Variants in ABCC1 observed in about 807,000 individuals in gnomAD.
The protein encoded by ABCC1 is ATP binding cassette subfamily C member 1 (ABCC1 blood group), also known as multidrug resistance-associated protein 1.
ABCC1 carries 83 observed loss-of-function variants against 172.9 expected under a neutral mutation model. The observed-to-expected ratio is 0.48, with a 90% CI of 0.40 to 0.58. The LOEUF is 0.58. ABCC1 is among the 20% of genes least tolerant of loss of function. The pLI, the probability that ABCC1 is intolerant of heterozygous loss-of-function variation, is 0.00. For missense variants in ABCC1, 1,817 were observed against 2,002.7 expected (o/e 0.91, Z 1.77); for synonymous variants, 937 against 825.2 (o/e 1.14, Z -2.32).
chr16:15,949,201 G>A (rs765754524), upstream of ABCC1, among the ~76,000 whole-genome samples: 1 of 152,136 alleles, frequency 6.6e-6, no homozygotes, highest in African/African-American at 2.4e-5. Flanking sequence ...CTTCATGAAC[G>A]TGGAGACTTT....
intron 1 of ABCC1, among the ~76,000 whole-genome samples, chr16:16,006,871 C>CGGTGCCGGTGGCGGTGGCGGTGGT: frequency 6.8e-6 from 1 of 148,030 alleles, no homozygotes; most frequent in East Asian, 2.0e-4. Context: ...GTGGCGGTGG[C>CGGTGCCGGTGGCGGTGGCGGTGGT]GGTGGCGGTG....
chr16:16,022,280 GC>G (rs748686734), intron 5 of ABCC1, among the ~76,000 whole-genome samples: 2 of 152,124 alleles, frequency 1.3e-5, no homozygotes, highest in Non-Finnish European at 2.9e-5. Context: ...GTCTATTCCA[GC>G]CCTGGCTGCT....
chr16:16,083,231 C>T (rs2050873347), intron 16 of ABCC1, 135 bp from the exon 17 acceptor site: 1 of 880,998 alleles, frequency 1.1e-6, no homozygotes, highest in Non-Finnish European at 1.8e-6. Flanking sequence ...CAGTTTCCCT[C>T]TTGCCAAAGC....
At chr16:16,106,498 C>T (rs748907677) in intron 20 of ABCC1, 82 of 407,010 alleles carry the variant, frequency 2.0e-4, no homozygotes, top group Non-Finnish European at 2.9e-4. Flanking sequence ...TCACAGATTG[C>T]GTTTCCCATG....
At chr16:16,115,162 T>C in intron 23 of ABCC1, 86 bp downstream of exon 23, 1 of 1,370,916 alleles carries the variant, frequency 7.3e-7, no homozygotes, top group Non-Finnish European at 9.9e-7. Context: ...TATCTTACCA[T>C]GTCCCCAGTG....
In ABCC1 at chr16:16,138,618, CTCATTAAT is replaced by C. The variant is rs1427882776; in HGVS notation, c.4487+74_4487+81del. The C allele has an allele frequency of 2.6e-5, 35 of 1,359,762 alleles. No individual in the cohort carries two copies. The South Asian group carries it at 3.0e-4, about 12-fold the overall frequency. 84.2% of individuals were successfully genotyped at this position (1,359,762 alleles called of 1,614,324 possible). ...GGAGTTTGCCTTACTCACTGGCTCA[CTCATTAAT>C]TCATTAATTCATTCAACACTGTCCT... On this transcript the variant is annotated intron_variant, in intron 30 of 30. Transcript: ENST00000399410.
chr16:16,078,111 T>C (rs533230742), intron 15 of ABCC1, among the ~76,000 whole-genome samples: 94 of 152,210 alleles, frequency 6.2e-4, no homozygotes, highest in Non-Finnish European at 1.2e-3. Context: ...TGAGCCAAGA[T>C]TGAGCCACTG....
intron 2 of ABCC1, among the ~76,000 whole-genome samples, chr16:16,008,581 G>A (rs1292889503): frequency 4.0e-5 from 6 of 151,540 alleles, no homozygotes; most frequent in Admixed American, 3.9e-4. Flanking sequence ...TGGGCCAGGC[G>A]TGGTGGCTCA....
intron 1 of ABCC1, among the ~76,000 whole-genome samples, chr16:15,982,803 C>CA (rs148834444): frequency 0.089 from 3,841 of 43,198 alleles, 475 homozygotes; most frequent in African/African-American, 0.26. Flanking sequence ...GAGACGCTGT[C>CA]AAAAAAAAAA....
At chr16:16,050,147 C>T (rs534621769) in intron 10 of ABCC1, among the ~76,000 whole-genome samples, 9 of 152,242 alleles carry the variant, frequency 5.9e-5, no homozygotes, top group East Asian at 3.9e-4. Context: ...GCATAATGGG[C>T]ACAGCTCAAA....
chr16:15,966,667 T>TA (rs1555472847), intron 1 of ABCC1, among the ~76,000 whole-genome samples: 10 of 150,908 alleles, frequency 6.6e-5, no homozygotes, highest in African/African-American at 2.2e-4. Flanking sequence ...TTTTTTTTTT[T>TA]AGAGACAGAG....
At chr16:16,076,472 A>G in intron 15 of ABCC1, 71 bp downstream of exon 15, 3 of 1,414,352 alleles carry the variant, frequency 2.1e-6, no homozygotes, top group Non-Finnish European at 2.9e-6. Context: ...GTGGATTCGA[A>G]TTCCCACCGT....
At chr16:15,975,598 G>A (rs13339669) in intron 1 of ABCC1, among the ~76,000 whole-genome samples, 3,545 of 150,896 alleles carry the variant, frequency 0.023, 138 homozygotes, top group African/African-American at 0.08. Flanking sequence ...GTCTTGTTGC[G>A]CAGGCTGGAG....
chr16:16,067,704 T>C (rs1465511054), intron 12 of ABCC1, among the ~76,000 whole-genome samples: 14 of 152,112 alleles, frequency 9.2e-5, no homozygotes, highest in Admixed American at 7.9e-4. Flanking sequence ...ACCCTGAAAA[T>C]ACATGGGCCG....
At chr16:16,006,950 A>G (rs1223640252) in intron 1 of ABCC1, among the ~76,000 whole-genome samples, 1 of 151,118 alleles carries the variant, frequency 6.6e-6, no homozygotes, top group Non-Finnish European at 1.5e-5. Context: ...TGGCAGTGAT[A>G]TTGGTGGTGG....
chr16:16,083,040 A>G, intron 16 of ABCC1, among the ~76,000 whole-genome samples: 1 of 151,964 alleles, frequency 6.6e-6, no homozygotes, highest in Non-Finnish European at 1.5e-5. Context: ...AGGGACTTCC[A>G]CTCTTTGGAA....
chr16:16,034,970 CAGAG>C (rs557756589), intron 6 of ABCC1, among the ~76,000 whole-genome samples: 1 of 152,102 alleles, frequency 6.6e-6, no homozygotes, highest in Non-Finnish European at 1.5e-5. Flanking sequence ...TGGATACAGA[CAGAG>C]AATGATACTG....
Position 16,086,349 on chromosome 16 carries a change from C to G in ABCC1, c.2293-475C>G, listed in dbSNP as rs201332955. Among the ~76,000 whole-genome samples, 9 of 152,320 alleles carry G rather than the reference C, an allele frequency of 5.9e-5. No homozygotes were observed. In the East Asian group the frequency reaches 1.7e-3, roughly 29 times the overall value. On this transcript the variant is annotated intron_variant, in intron 17 of 30. Coordinates refer to ENST00000399410, the MANE Select transcript of ABCC1 (RefSeq NM_004996.4). ...GGGCCTGGCTCCAGGTTTGTGCAGG[C>G]GTGACCTCATGCCTTCAGCATCAAA...
chr16:15,952,107 A>G (rs954279697), intron 1 of ABCC1, among the ~76,000 whole-genome samples: 17 of 152,108 alleles, frequency 1.1e-4, no homozygotes, highest in African/African-American at 4.1e-4. Context: ...CACTTTCCTC[A>G]TCTCTAAAAT....
Sources: allele counts gnomAD v4.1 joint callset (sites outside exome capture counted in the v4.1 genomes callset), GRCh38; gene constraint gnomAD v4.1.1; transcripts MANE v1.5; gene names NCBI Gene and HGNC (gene_info 2026-07-23, HGNC 2026-07-21).